Variants in PDZD2 observed in about 807,000 individuals in gnomAD.
PDZD2 encodes the protein PDZ domain-containing protein 2.
PDZD2 carries 90 observed loss-of-function variants against 220.7 expected under a neutral mutation model. The observed-to-expected ratio is 0.41, with a 90% CI of 0.34 to 0.49. The LOEUF is 0.49. PDZD2 is among the 20% of genes least tolerant of loss of function. The pLI, the probability that PDZD2 is intolerant of heterozygous loss-of-function variation, is 0.28. For synonymous variants in PDZD2, 1,375 were observed against 1,450.5 expected, an observed-to-expected ratio of 0.95 and a Z score of 1.18; for missense variants, 3,174 against 3,608.5, an observed-to-expected ratio of 0.88 and a Z score of 3.08.
At chr5:32,019,468 A>G (rs1038242243) in intron 6 of PDZD2, among the ~76,000 whole-genome samples, 5 of 152,220 alleles carry the variant, frequency 3.3e-5, no homozygotes, top group Non-Finnish European at 5.9e-5. Context: ...TGTATTTCAC[A>G]TGGATCCTCA....
At chr5:31,840,227 T>TCAAAACAAAACAAAACAAAA (rs58599257) in intron 2 of PDZD2, among the ~76,000 whole-genome samples, 5 of 145,748 alleles carry the variant, frequency 3.4e-5, no homozygotes, top group South Asian at 2.3e-4. Flanking sequence ...AGACCCTGTT[T>TCAAAACAAAACAAAACAAAA]CAAAACAAAA....
At chr5:31,664,290 A>G (rs1745893927) in intron 1 of PDZD2, among the ~76,000 whole-genome samples, 1 of 152,034 alleles carries the variant, frequency 6.6e-6, no homozygotes, top group African/African-American at 2.4e-5. Context: ...GACACGCACC[A>G]CCGCACCCAG....
chr5:31,829,812 G>A (rs775526556), intron 2 of PDZD2, among the ~76,000 whole-genome samples: 30 of 151,888 alleles, frequency 2.0e-4, no homozygotes, highest in African/African-American at 6.5e-4. Flanking sequence ...CAGCACTTTC[G>A]GAAGCCAAGG....
chr5:31,657,848 G>A (rs1745608346), intron 1 of PDZD2, among the ~76,000 whole-genome samples: 1 of 152,328 alleles, frequency 6.6e-6, no homozygotes, highest in Middle Eastern at 3.4e-3. Flanking sequence ...CACCCGCAAA[G>A]GAGGCATTAG....
chr5:32,100,247 G>GTGTAGAT, intron 23 of PDZD2: 5 of 158,638 alleles, frequency 3.2e-5, no homozygotes, highest in South Asian at 1.9e-4. Flanking sequence ...GACAATGCTA[G>GTGTAGAT]CTTGGCTTCA....
intron 2 of PDZD2, among the ~76,000 whole-genome samples, chr5:31,862,884 G>A (rs527487889): frequency 8.5e-5 from 13 of 152,076 alleles, no homozygotes; most frequent in African/African-American, 2.4e-4. Flanking sequence ...GCGCCGCTAC[G>A]CCCAGCTAAT....
intron 1 of PDZD2, among the ~76,000 whole-genome samples, chr5:31,642,689 G>T (rs1744995691): frequency 6.6e-6 from 1 of 152,248 alleles, no homozygotes; most frequent in Non-Finnish European, 1.5e-5. Context: ...GATCAGGGGT[G>T]TTTGGGCTGG....
intron 2 of PDZD2, among the ~76,000 whole-genome samples, chr5:31,919,865 T>TTTC (rs1379545891): frequency 6.6e-6 from 1 of 151,258 alleles, no homozygotes; most frequent in African/African-American, 2.4e-5. Flanking sequence ...ACAATTTTTT[T>TTTC]TTTTATGAAC....
intron 23 of PDZD2, 124 bp from the exon 24 acceptor site, chr5:32,100,981 G>A: frequency 6.3e-7 from 1 of 1,597,700 alleles, no homozygotes; most frequent in Non-Finnish European, 8.6e-7. Flanking sequence ...AGTGCCCCAG[G>A]GTAGATGGGA....
rs56317370 is a variant in PDZD2 at position 31,685,440 on chromosome 5, C to T, written c.-361+46003C>T. ...AAGTTGTGAAAAGAGTAAAATGAAC[C>T]TTCTTGTATCTATCACACAGCTTCT... On this transcript the variant is annotated intron_variant, in intron 1 of 24. Transcript: ENST00000438447. 1.2e-3 allele frequency among the ~76,000 whole-genome samples: 188 copies of T among 152,188 alleles called. 1 individual carries two copies. The highest frequency in any genetic ancestry group is 4.4e-3 in the African/African-American group (181 of 41,524).
At chr5:31,681,184 T>C (rs1464060149) in intron 1 of PDZD2, among the ~76,000 whole-genome samples, 1 of 152,228 alleles carries the variant, frequency 6.6e-6, no homozygotes, top group African/African-American at 2.4e-5. Context: ...CAACATGTAA[T>C]GAACATTAAA....
rs541971625 is a variant in PDZD2 at position 31,993,362 on chromosome 5, GC to G, written c.979-2210del. Among the ~76,000 whole-genome samples, 48 of 152,322 alleles carry G rather than the reference GC, an allele frequency of 3.2e-4. 4 individuals are homozygous for G. The South Asian group carries it at 9.6e-3, about 30-fold the overall frequency. On this transcript the variant is annotated intron_variant, in intron 3 of 24. Coordinates refer to ENST00000438447, the MANE Select transcript of PDZD2 (RefSeq NM_178140.4). ...CAGCGTCTGTTCCTGGGATAGCGGA[GC>G]CCCACCGAACAGCACGCTACCCGAA... is the stretch of plus-strand genomic sequence containing the variant.
intron 14 of PDZD2, among the ~76,000 whole-genome samples, chr5:32,064,029 A>G (rs1358956116): frequency 3.3e-5 from 5 of 152,068 alleles, no homozygotes; most frequent in African/African-American, 4.8e-5. Flanking sequence ...TCAGCGTCAC[A>G]CTCTTGGACC....
At chr5:31,896,227 G>A (rs995204555) in intron 2 of PDZD2, among the ~76,000 whole-genome samples, 2 of 152,170 alleles carry the variant, frequency 1.3e-5, no homozygotes, top group African/African-American at 4.8e-5. Flanking sequence ...AGAGACTTGA[G>A]AGTCCATGTC....
In PDZD2 at chr5:32,061,089, T is replaced by A; in HGVS notation, c.2406T>A (p.Pro802=). ...TCCACGCCATCTTGAGTAAATGCCC[T>A]CCAGGACCCGTTCGCCTTGTCATCG... ...SKVHAILSKC[P]PGPVRLVIGR... is the part of the protein sequence containing the mutation. The change falls in exon 14 of 25, where the codon CCT becomes CCA. Residue 802 remains proline (P), a synonymous_variant. Coordinates refer to ENST00000438447, the MANE Select transcript of PDZD2 (RefSeq NM_178140.4). 6.2e-7 allele frequency: 1 copy of A among 1,614,142 alleles called. No individual in the cohort carries two copies. Among genetic ancestry groups the A allele is most frequent in the African/African-American group, 1.3e-5 (1 of 75,028 alleles).
intron 1 of PDZD2, chr5:31,725,930 G>C: frequency 1.5e-6 from 1 of 671,692 alleles, no homozygotes; most frequent in South Asian, 1.7e-5. Flanking sequence ...CAGCTGCCTG[G>C]GTCTCCACTC....
In PDZD2 at chr5:32,088,414, T is replaced by C. The variant is rs1742738439; in HGVS notation, c.4966T>C (p.Tyr1656His). 1 of 1,613,928 alleles carries C rather than the reference T, an allele frequency of 6.2e-7. No homozygotes were observed. The highest frequency in any genetic ancestry group is 1.3e-5 in the African/African-American group (1 of 74,928). Residue 1656 changes from tyrosine (Y) to histidine (H), a missense_variant, in exon 20 of 25, where the codon TAC (tyrosine) becomes CAC (histidine). Physicochemically the swap from Tyr to His is moderately conservative, Grantham distance 83. This residue lies in a region of PDZD2 where 1,861 missense variants were observed against 2,001.0 expected (regional missense o/e 0.93). Coordinates refer to ENST00000438447, the MANE Select transcript of PDZD2 (RefSeq NM_178140.4). The surrounding 1 kb of genome is among the most constrained non-coding windows in gnomAD (Gnocchi z 4.6). ...REKAACLPGS[Y>H]TSGPDSSQPS... is the part of the protein sequence containing the mutation. ...GAAGGCCGCCTGCTTGCCAGGCTCA[T>C]ACACTTCAGGCCCAGACTCTTCCCA...
intron 1 of PDZD2, among the ~76,000 whole-genome samples, chr5:31,727,958 G>A (rs1335145686): frequency 2.9e-5 from 4 of 138,464 alleles, no homozygotes; most frequent in East Asian, 2.1e-4. Flanking sequence ...AGCCAAGATC[G>A]CACCACTGCA....
chr5:31,988,912 G>T (rs1362364238), intron 3 of PDZD2, among the ~76,000 whole-genome samples: 1 of 152,164 alleles, frequency 6.6e-6, no homozygotes, highest in African/African-American at 2.4e-5. Context: ...CCTGCCGCCT[G>T]CTCTGTCATT....
Sources: gnomAD v4.1 joint callset for allele counts (sites outside exome capture counted in the v4.1 genomes callset) on GRCh38, gnomAD v4.1.1 for gene constraint, gnomAD v4.1.1 regional missense constraint, Gnocchi (gnomAD v3.1) non-coding constraint, MANE v1.5 for transcripts, NCBI Gene and HGNC (gene_info 2026-07-23, HGNC 2026-07-21) for gene names.